DTYMK: variants seen among roughly 807,000 people sequenced by gnomAD.
The protein encoded by DTYMK is deoxythymidylate kinase.
Under a neutral mutation model 20.3 loss-of-function variants are expected in DTYMK, and 20 were observed. The observed-to-expected ratio is 0.99, with a 90% CI of 0.69 to 1.43. The LOEUF is 1.43. DTYMK is among the 40% of genes most tolerant of loss of function. DTYMK has a pLI of 0.00. For missense variants in DTYMK, 320 were observed against 291.1 expected (o/e 1.10, Z -0.72); for synonymous variants, 148 against 124.4 (o/e 1.19, Z -1.27).
chr2:241,676,949 G>A (rs909505236), intron 4 of DTYMK, among the ~76,000 whole-genome samples: 3 of 152,258 alleles, frequency 2.0e-5, no homozygotes, highest in Non-Finnish European at 2.9e-5. Context: ...GGCCTGACTC[G>A]TCCTTGCGGG....
intron 4 of DTYMK, among the ~76,000 whole-genome samples, chr2:241,677,719 A>T (rs1302119638): frequency 6.6e-6 from 1 of 152,222 alleles, no homozygotes; most frequent in Non-Finnish European, 1.5e-5. Context: ...CTGGGAGCAG[A>T]GCCAGACCTG....
In DTYMK at chr2:241,676,399, G is replaced by A. The variant is rs202073600; in HGVS notation, c.529-162C>T. ...AGCCTGGGCTACACAGGGACACCCC[G>A]TCTCTACAAAAAATGTGGCACCACT... On this transcript the variant is annotated intron_variant, in intron 4 of 4. Transcript: ENST00000305784. 7.2e-5 allele frequency among the ~76,000 whole-genome samples: 11 copies of A among 152,208 alleles called. No individual in the cohort carries two copies. The East Asian group carries it at 9.7e-4, about 13-fold the overall frequency.
intron 1 of DTYMK, 85 bp from the exon 2 acceptor site, chr2:241,685,962 C>T (rs531204125): frequency 2.2e-6 from 3 of 1,356,452 alleles, no homozygotes; most frequent in East Asian, 2.3e-5. Context: ...GAATTTCTCC[C>T]GGACTCAAGT....
chr2:241,685,769 A>AG lies in DTYMK; in HGVS notation c.238_239insC (p.Val80AlafsTer5). On this transcript the variant is annotated frameshift_variant and splice_region_variant, in exon 2 of 5. Transcript: ENST00000305784. LOFTEE classifies it high-confidence loss of function. ...GGGAGCAGTGTGCAATGGTTTTTAC[A>AG]CTTGTTCCCAGCGATTTGCAGAAAA... 6.2e-7 allele frequency: 1 copy of AG among 1,613,974 alleles called. No individual in the cohort carries two copies. Among genetic ancestry groups the AG allele is most frequent in the Non-Finnish European group, 8.5e-7 (1 of 1,179,844 alleles).
At chr2:241,683,203 G>T (rs1026416354) in intron 2 of DTYMK, among the ~76,000 whole-genome samples, 5 of 152,206 alleles carry the variant, frequency 3.3e-5, no homozygotes, top group African/African-American at 1.2e-4. Context: ...ATGCAAACTA[G>T]AACAATGAGA....
chr2:241,683,085 CAA>C (rs1304271969), intron 2 of DTYMK, among the ~76,000 whole-genome samples: 1 of 151,596 alleles, frequency 6.6e-6, no homozygotes, highest in Admixed American at 6.6e-5. Context: ...GACCCTGTCC[CAA>C]AAAAAAGAGT....
chr2:241,686,392 G>C (rs1196553216), intron 1 of DTYMK, among the ~76,000 whole-genome samples: 4 of 152,214 alleles, frequency 2.6e-5, no homozygotes, highest in African/African-American at 9.6e-5. Flanking sequence ...GCGTGGACCG[G>C]GCGCGGTGGC....
chr2:241,680,412 C>A (rs959659702), intron 2 of DTYMK, 93 bp from the exon 3 acceptor site: 33 of 1,384,828 alleles, frequency 2.4e-5, no homozygotes, highest in African/African-American at 8.6e-5. Context: ...CGCAGTGGCT[C>A]ACCCCTATAA....
intron 3 of DTYMK, among the ~76,000 whole-genome samples, chr2:241,678,943 CCTG>C (rs2125162031): frequency 6.6e-6 from 1 of 152,356 alleles, no homozygotes; most frequent in African/African-American, 2.4e-5. Flanking sequence ...CAGCTACAGG[CCTG>C]CTGGCCAGGA....
At chr2:241,679,172 C>T (rs930818639) in intron 3 of DTYMK, among the ~76,000 whole-genome samples, 2 of 152,226 alleles carry the variant, frequency 1.3e-5, no homozygotes, top group Non-Finnish European at 2.9e-5. Flanking sequence ...CCCTTCTTGC[C>T]AGGGCTGTGC....
chr2:241,686,579 CG>C, intron 1 of DTYMK, 74 bp downstream of exon 1: 1 of 1,406,264 alleles, frequency 7.1e-7, no homozygotes, highest in Non-Finnish European at 9.1e-7. Flanking sequence ...CCGCAGACAA[CG>C]AAGCGGAGCA....
intron 2 of DTYMK, among the ~76,000 whole-genome samples, chr2:241,683,340 G>A (rs1053351951): frequency 1.3e-5 from 2 of 152,302 alleles, no homozygotes; most frequent in Non-Finnish European, 2.9e-5. Flanking sequence ...AGCCACTTTG[G>A]AAGACAGTTC....
chr2:241,676,321 G>A, intron 4 of DTYMK, 84 bp from the exon 5 acceptor site: 1 of 1,342,906 alleles, frequency 7.4e-7, no homozygotes, highest in Non-Finnish European at 1.0e-6. Context: ...TGTAATCCCA[G>A]CACTTTGGGA....
chr2:241,684,450 G>A (rs943310564), intron 2 of DTYMK, among the ~76,000 whole-genome samples: 2 of 152,180 alleles, frequency 1.3e-5, no homozygotes, highest in African/African-American at 2.4e-5. Flanking sequence ...CATGTAACAC[G>A]GATGATGAGG....
chr2:241,684,061 A>T (rs915468734), intron 2 of DTYMK, among the ~76,000 whole-genome samples: 1 of 152,174 alleles, frequency 6.6e-6, no homozygotes, highest in Non-Finnish European at 1.5e-5. Flanking sequence ...TTGTCTCAAA[A>T]AAAACCAAAA....
chr2:241,679,839 C>T (rs1156544740), intron 3 of DTYMK, among the ~76,000 whole-genome samples: 2 of 151,926 alleles, frequency 1.3e-5, no homozygotes, highest in African/African-American at 4.8e-5. Flanking sequence ...CACGGTGGTG[C>T]ATGCCTATAA....
chr2:241,676,347 A>G, intron 4 of DTYMK, 110 bp from the exon 5 acceptor site: 1 of 999,364 alleles, frequency 1.0e-6, no homozygotes, highest in Non-Finnish European at 1.5e-6. Context: ...ACGAGGGAGG[A>G]CTGCTTGTAC....
intron 4 of DTYMK, among the ~76,000 whole-genome samples, chr2:241,677,314 C>T (rs1392544840): frequency 3.9e-5 from 6 of 152,232 alleles, no homozygotes; most frequent in Admixed American, 2.6e-4. Flanking sequence ...ACACAGCTGT[C>T]GCCCAGAACC....
Position 241,678,543 on chromosome 2 carries a change from A to G in DTYMK, c.437T>C (p.Phe146Ser), listed in dbSNP as rs1269743410. ...CCCGTTCTCATAGCGCTCATGGCCA[A>G]ACGCTCCCCGCTTGGCAGCATCCGC... is the stretch of plus-strand genomic sequence containing the variant. ...QLADAAKRGA[F>S]GHERYENGAF... The change falls in exon 4 of 5, where the codon TTT becomes TCT. Residue 146 changes from phenylalanine to serine, a missense_variant. Physicochemically the swap from Phe to Ser is radical, Grantham distance 155. Coordinates refer to ENST00000305784, the MANE Select transcript of DTYMK (RefSeq NM_012145.4). The G allele has an allele frequency of 6.2e-7, 1 of 1,614,044 alleles. No homozygotes were observed. The highest frequency in any genetic ancestry group is 1.3e-5 in the African/African-American group (1 of 74,910).
Sources: gnomAD v4.1 joint callset for allele counts (sites outside exome capture counted in the v4.1 genomes callset) on GRCh38, gnomAD v4.1.1 for gene constraint, MANE v1.5 for transcripts, NCBI Gene and HGNC (gene_info 2026-07-23, HGNC 2026-07-21) for gene names.